ZFAND1: variants seen among roughly 807,000 people sequenced by gnomAD.
ZFAND1 encodes the protein AN1-type zinc finger protein 1.
In ZFAND1, 40 loss-of-function variants were observed where a neutral mutation model predicts 38.5. The ratio of observed to expected loss-of-function variants is 1.04; its 90% confidence interval spans 0.81 to 1.35. The LOEUF is 1.35. Ranked by LOEUF, ZFAND1 falls within the 40% of genes most tolerant of loss-of-function variation. The pLI is 0.00. For missense variants in ZFAND1, 346 were observed against 316.3 expected, an observed-to-expected ratio of 1.09 and a Z score of -0.71; for synonymous variants, 117 against 103.6, an observed-to-expected ratio of 1.13 and a Z score of -0.78.
At chr8:81,707,823 T>C (rs1808026896) in intron 6 of ZFAND1, among the ~76,000 whole-genome samples, 1 of 152,194 alleles carries the variant, frequency 6.6e-6, no homozygotes, top group Admixed American at 6.5e-5. Flanking sequence ...TTTTGATATT[T>C]CAATCCAATA....
In ZFAND1 at chr8:81,706,370, CAA is replaced by C. The variant is rs35031788; in HGVS notation, c.481-3248_481-3247del. 6.7e-4 allele frequency among the ~76,000 whole-genome samples: 49 copies of C among 72,676 alleles called. No individual in the cohort carries two copies. The East Asian group carries it at 8.1e-3, about 12-fold the overall frequency. The allele number at this position is 72,676 out of a possible 152,430, so 47.7% of individuals were successfully genotyped here. On this transcript the variant is annotated intron_variant, in intron 6 of 7. Coordinates refer to ENST00000220669, the MANE Select transcript of ZFAND1 (RefSeq NM_024699.3). ...CAAGTAAGCCCTAAGGAAGGAGAAA[CAA>C]AAAAAAAAAAAAAAAAAAAAAAGAA...
At chr8:81,704,294 C>T (rs954393237) in intron 6 of ZFAND1, among the ~76,000 whole-genome samples, 3 of 151,926 alleles carry the variant, frequency 2.0e-5, no homozygotes, top group African/African-American at 4.8e-5. Flanking sequence ...CCTAGCACTT[C>T]GGGAGGTTAA....
rs567770392 is a variant in ZFAND1 at position 81,719,028 on chromosome 8, A to G, written c.56-804T>C. 1.8e-4 allele frequency among the ~76,000 whole-genome samples: 27 copies of G among 152,176 alleles called. No individual in the cohort carries two copies. The South Asian group carries it at 5.6e-3, about 32-fold the overall frequency. On this transcript the variant is annotated intron_variant, in intron 1 of 7. Transcript: ENST00000220669. Reference sequence around the variant, plus strand: ...TGTATGCATGTGTATCTATATCTGTATCTATGCTGTATGCCACACCGACCT... The same window carrying G: ...TGTATGCATGTGTATCTATATCTGTGTCTATGCTGTATGCCACACCGACCT...
intron 6 of ZFAND1, among the ~76,000 whole-genome samples, chr8:81,712,299 T>C (rs1808160068): frequency 6.6e-6 from 1 of 152,166 alleles, no homozygotes; most frequent in African/African-American, 2.4e-5. Context: ...GATGAAACTT[T>C]AGATACATTT....
rs777944309 is a variant in ZFAND1, at chr8:81,714,993, C to CA, written c.259dup (p.Cys87LeufsTer11). The CA allele has an allele frequency of 5.0e-5, 81 of 1,613,830 alleles. No individual in the cohort carries two copies. Among genetic ancestry groups the CA allele is most frequent in the Non-Finnish European group, 6.7e-5 (79 of 1,179,872 alleles). ...AGCCTAAGTGATCAATCACCTCAGG[C>CA]AAAAATTCTTCTCACAATAAGGACA... On this transcript the variant is annotated frameshift_variant, in exon 4 of 8. Coordinates refer to ENST00000220669, the MANE Select transcript of ZFAND1 (RefSeq NM_024699.3). LOFTEE classifies it high-confidence loss of function.
At chr8:81,718,270 A>G (rs979184584) in intron 1 of ZFAND1, 46 bp from the exon 2 acceptor site, 1 of 1,439,030 alleles carries the variant, frequency 6.9e-7, no homozygotes, top group Non-Finnish European at 9.3e-7. Context: ...TCTGATTTTG[A>G]TTTAGTTTTC....
At chr8:81,713,425 A>G (rs1215150677) in intron 6 of ZFAND1, among the ~76,000 whole-genome samples, 1 of 152,084 alleles carries the variant, frequency 6.6e-6, no homozygotes, top group Non-Finnish European at 1.5e-5. Flanking sequence ...GCCCAGCCAC[A>G]ATCTTTAAAA....
intron 6 of ZFAND1, among the ~76,000 whole-genome samples, chr8:81,706,050 G>C (rs967159330): frequency 6.6e-6 from 1 of 152,098 alleles, no homozygotes; most frequent in Non-Finnish European, 1.5e-5. Context: ...TTTACAATGT[G>C]TCAAACGGAA....
chr8:81,716,721 G>A (rs530697453), intron 3 of ZFAND1, among the ~76,000 whole-genome samples: 1 of 152,340 alleles, frequency 6.6e-6, no homozygotes, highest in South Asian at 2.1e-4. Context: ...GCCAAGGCGG[G>A]TGGATCACCT....
At chr8:81,714,371 T>C (rs577889465) in intron 5 of ZFAND1, 2 of 252,828 alleles carry the variant, frequency 7.9e-6, no homozygotes, top group South Asian at 6.4e-5. Flanking sequence ...ATCCTTAATA[T>C]GGAATAAAAA....
At chr8:81,715,774 A>G (rs1040209651) in intron 3 of ZFAND1, among the ~76,000 whole-genome samples, 1 of 152,186 alleles carries the variant, frequency 6.6e-6, no homozygotes, top group Non-Finnish European at 1.5e-5. Context: ...ATTCCTTTTT[A>G]TAAATAATAG....
At chr8:81,717,798 T>G (rs529879752) in intron 2 of ZFAND1, among the ~76,000 whole-genome samples, 1 of 152,218 alleles carries the variant, frequency 6.6e-6, no homozygotes, top group Admixed American at 6.5e-5. Flanking sequence ...CAGGTTTTAC[T>G]TGGCATGTAA....
At chr8:81,710,338 C>T (rs933238167) in intron 6 of ZFAND1, among the ~76,000 whole-genome samples, 6 of 151,862 alleles carry the variant, frequency 4.0e-5, no homozygotes, top group Non-Finnish European at 7.4e-5. Context: ...ACTACCTTTG[C>T]AATTTTAAAA....
chr8:81,716,278 T>C (rs1364631042), intron 3 of ZFAND1, among the ~76,000 whole-genome samples: 1 of 152,224 alleles, frequency 6.6e-6, no homozygotes, highest in Non-Finnish European at 1.5e-5. Flanking sequence ...GGAACTGTAC[T>C]GCCTTCAGGG....
chr8:81,709,268 A>G lies in ZFAND1; in HGVS notation c.480+4650T>C, dbSNP rs540507599. Among the ~76,000 whole-genome samples, 14 of 152,238 alleles carry G rather than the reference A, an allele frequency of 9.2e-5. No individual in the cohort carries two copies. In the South Asian group the frequency reaches 1.5e-3, roughly 16 times the overall value. On this transcript the variant is annotated intron_variant, in intron 6 of 7. Coordinates refer to ENST00000220669, the MANE Select transcript of ZFAND1 (RefSeq NM_024699.3). ...AGAGAAGGATATATAGTCTACCCCAAACCTGCTTTAGTTTTATTTATAGCC... is the reference window on the plus strand; with the variant it reads ...AGAGAAGGATATATAGTCTACCCCAGACCTGCTTTAGTTTTATTTATAGCC...
chr8:81,706,051 T>C (rs1437472822), intron 6 of ZFAND1, among the ~76,000 whole-genome samples: 3 of 152,182 alleles, frequency 2.0e-5, no homozygotes, highest in Admixed American at 6.5e-5. Context: ...TTACAATGTG[T>C]CAAACGGAAT....
At chr8:81,705,894 G>A (rs1807965593) in intron 6 of ZFAND1, among the ~76,000 whole-genome samples, 1 of 152,130 alleles carries the variant, frequency 6.6e-6, no homozygotes, top group African/African-American at 2.4e-5. Flanking sequence ...CTCCAGCCTG[G>A]GTGACAGAGT....
intron 3 of ZFAND1, among the ~76,000 whole-genome samples, 154 bp from the exon 4 acceptor site, chr8:81,715,268 A>C (rs1159894722): frequency 6.6e-6 from 1 of 152,240 alleles, no homozygotes; most frequent in East Asian, 1.9e-4. Flanking sequence ...TTTATGTGAC[A>C]AATGATTACT....
intron 5 of ZFAND1, 61 bp from the exon 6 acceptor site, chr8:81,714,100 A>G: frequency 7.0e-7 from 1 of 1,433,528 alleles, no homozygotes; most frequent in South Asian, 1.4e-5. Flanking sequence ...ATTTTATTAT[A>G]ATACACTTAT....
Sources: gnomAD v4.1 joint callset for allele counts (sites outside exome capture counted in the v4.1 genomes callset) on GRCh38, gnomAD v4.1.1 for gene constraint, MANE v1.5 for transcripts, NCBI Gene and HGNC (gene_info 2026-07-23, HGNC 2026-07-21) for gene names.